The following RHOQ variants were observed in gnomAD, a reference collection of about 807,000 sequenced individuals.
RHOQ encodes the protein rho-related GTP-binding protein RhoQ.
Under a neutral mutation model 25.8 loss-of-function variants are expected in RHOQ, and 7 were observed. The observed-to-expected ratio is 0.27, with a 90% CI of 0.15 to 0.51. The LOEUF is 0.51. Ranked by LOEUF, RHOQ falls within the 20% of genes least tolerant of loss-of-function variation. RHOQ has a pLI of 0.97. For synonymous variants in RHOQ, 97 were observed against 98.6 expected (o/e 0.98, Z 0.10); for missense variants, 165 against 260.6 (o/e 0.63, Z 2.53).
rs114545004 is a variant in RHOQ, at chr2:46,554,243, A to G, written c.201+10431A>G. The stretch of plus-strand genomic sequence containing the variant: ...ATCCGTAATTACTGGAATGAATTGA[A>G]TGATTCAGCCATGGGTGCTCCCTAT... On this transcript the variant is annotated intron_variant, in intron 2 of 4. Coordinates refer to ENST00000238738, the MANE Select transcript of RHOQ (RefSeq NM_012249.4). Among the ~76,000 whole-genome samples, 1,484 of 152,124 alleles carry G rather than the reference A, an allele frequency of 9.8e-3. 28 individuals carry two copies. Among genetic ancestry groups the G allele is most frequent in the African/African-American group, 0.034 (1,416 of 41,500 alleles).
chr2:46,543,005 G>A lies in RHOQ; in HGVS notation c.-42G>A. 7 of 1,446,930 alleles carry A rather than the reference G, an allele frequency of 4.8e-6. No homozygotes were observed. Among genetic ancestry groups the A allele is most frequent in the Non-Finnish European group, 6.4e-6 (7 of 1,096,540 alleles). The allele number at this position is 1,446,930 out of a possible 1,614,324, so 89.6% of individuals were successfully genotyped here. ...GGGGCTGAGCCCGGGGCCGGGGCGG[G>A]GGCTCCGGGGGGACCATGCCCGGAG... On this transcript the variant is annotated 5_prime_UTR_variant, in exon 1 of 5. Transcript: ENST00000238738.
intron 4 of RHOQ, 99 bp from the exon 5 acceptor site, chr2:46,580,829 T>G: frequency 4.8e-6 from 4 of 833,520 alleles, no homozygotes; most frequent in Non-Finnish European, 7.0e-6. Context: ...TCTTTTTGCA[T>G]AGCTGTATTT....
intron 2 of RHOQ, among the ~76,000 whole-genome samples, chr2:46,575,399 T>TCA (rs56002979): frequency 0.18 from 24,911 of 137,988 alleles, 2,206 homozygotes; most frequent in East Asian, 0.34. Context: ...CTTTAAATCT[T>TCA]CACACACACA....
At chr2:46,558,438 T>C (rs888001688) in intron 2 of RHOQ, among the ~76,000 whole-genome samples, 20 of 152,220 alleles carry the variant, frequency 1.3e-4, no homozygotes, top group African/African-American at 4.8e-4. Context: ...ATAGATTATA[T>C]TTTTTCTCCC....
At position 46,581,651 on chromosome 2, in the gene RHOQ, A is replaced by C. The variant is rs1669381021; in HGVS notation, c.*568A>C. On this transcript the variant is annotated 3_prime_UTR_variant, in exon 5 of 5. Coordinates refer to ENST00000238738, the MANE Select transcript of RHOQ (RefSeq NM_012249.4). Reference sequence around the variant, plus strand: ...AATGTTTTATTATTACTTGAGCACAAGTGTAACCTAAATATTTCTATATTA... The same window carrying C: ...AATGTTTTATTATTACTTGAGCACACGTGTAACCTAAATATTTCTATATTA... The C allele has an allele frequency of 6.4e-7, 1 of 1,560,108 alleles. No individual in the cohort carries two copies. The highest frequency in any genetic ancestry group is 8.7e-7 in the Non-Finnish European group (1 of 1,151,678).
In RHOQ at chr2:46,543,788, A is replaced by C; in HGVS notation, c.177A>C (p.Leu59=). The C allele has an allele frequency of 1.2e-6, 2 of 1,613,660 alleles. No homozygotes were observed. The highest frequency in any genetic ancestry group is 8.5e-7 in the Non-Finnish European group (1 of 1,179,840). The change falls in exon 2 of 5, where the codon CTA becomes CTC. Residue 59 remains leucine, a synonymous_variant. Transcript: ENST00000238738. ...CCGTGGGGGGCAAGCAGTACCTCCT[A>C]GGACTCTATGACACGGCCGGACAGG... ...SVTVGGKQYL[L]GLYDTAGQED...
At chr2:46,561,801 A>G (rs769411330) in intron 2 of RHOQ, among the ~76,000 whole-genome samples, 2 of 151,964 alleles carry the variant, frequency 1.3e-5, no homozygotes, top group Non-Finnish European at 2.9e-5. Context: ...CATACTGTCT[A>G]CCCCTCCCTC....
chr2:46,565,990 A>T (rs1303376904), intron 2 of RHOQ, among the ~76,000 whole-genome samples: 1 of 152,216 alleles, frequency 6.6e-6, no homozygotes, highest in Non-Finnish European at 1.5e-5. Flanking sequence ...TCCAGACTCA[A>T]GCCTGGAAGA....
intron 2 of RHOQ, among the ~76,000 whole-genome samples, chr2:46,549,362 G>T (rs1051226982): frequency 1.3e-5 from 2 of 152,142 alleles, no homozygotes; most frequent in African/African-American, 4.8e-5. Context: ...TGGAGAATTG[G>T]GCTTTTGCGG....
intron 2 of RHOQ, among the ~76,000 whole-genome samples, chr2:46,563,045 C>T (rs1437962495): frequency 6.6e-6 from 1 of 152,130 alleles, no homozygotes; most frequent in African/African-American, 2.4e-5. Flanking sequence ...AGAGGAGGCT[C>T]CATTAGTAGT....
intron 2 of RHOQ, among the ~76,000 whole-genome samples, chr2:46,571,087 G>A (rs954892886): frequency 1.3e-5 from 2 of 152,164 alleles, no homozygotes; most frequent in Non-Finnish European, 2.9e-5. Context: ...TGTTGGATAC[G>A]TTCAAGTTCT....
rs1371223116 is a variant in RHOQ, at chr2:46,552,221, G to A, written c.201+8409G>A. 6.6e-6 allele frequency among the ~76,000 whole-genome samples: 1 copy of A among 152,174 alleles called. No homozygotes were observed. The highest frequency in any genetic ancestry group is 2.4e-5 in the African/African-American group (1 of 41,428). ...AGACTTCTGCCCCACGTGACGTTAC[G>A]GGTGTTTTGTCACTTTGTCCCTAAA... On this transcript the variant is annotated intron_variant, in intron 2 of 4. Coordinates refer to ENST00000238738, the MANE Select transcript of RHOQ (RefSeq NM_012249.4). The surrounding 1 kb of genome is among the most constrained non-coding windows in gnomAD (Gnocchi z 5.0).
chr2:46,576,481 G>A lies in RHOQ; in HGVS notation c.367-80G>A, dbSNP rs929895535. ...TGTTTAATCTTTTTTTGGTATGTGG[G>A]AATTAAGTGGGATTACATGCTTTGA... On this transcript the variant is annotated intron_variant, in intron 3 of 4. Coordinates refer to ENST00000238738, the MANE Select transcript of RHOQ (RefSeq NM_012249.4). This position sits in a 1 kb window ranked among gnomAD's most constrained non-coding sequence, Gnocchi z 5.1. 6.6e-5 allele frequency: 61 copies of A among 926,898 alleles called. No individual in the cohort carries two copies. Among genetic ancestry groups the A allele is most frequent in the South Asian group, 6.2e-4 (37 of 59,348 alleles). The allele number at this position is 926,898 out of a possible 1,614,324, so 57.4% of individuals were successfully genotyped here.
chr2:46,581,867 T>C lies in RHOQ; in HGVS notation c.*784T>C, dbSNP rs1669393447. On this transcript the variant is annotated 3_prime_UTR_variant, in exon 5 of 5. Coordinates refer to ENST00000238738, the MANE Select transcript of RHOQ (RefSeq NM_012249.4). ...CATGCTAAAATTACAAATTAAAATT[T>C]TGGGTCAGACTTTGCCATAATGATA... 1 of 295,672 alleles carries C rather than the reference T, an allele frequency of 3.4e-6. No individual in the cohort carries two copies. Among genetic ancestry groups the C allele is most frequent in the South Asian group, 4.3e-5 (1 of 23,280 alleles). 18.3% of individuals were successfully genotyped at this position (295,672 alleles called of 1,614,324 possible).
chr2:46,565,075 A>AGGAGAAGGT (rs1668690476), intron 2 of RHOQ, among the ~76,000 whole-genome samples: 1 of 152,186 alleles, frequency 6.6e-6, no homozygotes, highest in Admixed American at 6.5e-5. Flanking sequence ...CAGCTGCAGA[A>AGGAGAAGGT]GGAGAAGGTG....
At chr2:46,543,960 G>A (rs1667949351) in intron 2 of RHOQ, 148 bp downstream of exon 2, 1 of 644,122 alleles carries the variant, frequency 1.6e-6, no homozygotes, top group Admixed American at 2.8e-5. Flanking sequence ...CTTGTAACAA[G>A]TCAGCAAATT....
Position 46,543,871 on chromosome 2 carries a change from C to T in RHOQ, c.201+59C>T, listed in dbSNP as rs376297993. 1,093 of 1,502,074 alleles carry T rather than the reference C, an allele frequency of 7.3e-4. 4 individuals carry two copies. In the African/African-American group the frequency reaches 0.013, roughly 17 times the overall value. 93.0% of individuals were successfully genotyped at this position (1,502,074 alleles called of 1,614,324 possible). ...CCTGTTCCCCAGTTCTTTGTGGCTG[C>T]GAAGGGCCTTTGGAAACCGAGGTGT... On this transcript the variant is annotated intron_variant, in intron 2 of 4. Transcript: ENST00000238738.
chr2:46,573,104 C>T (rs773840494), intron 2 of RHOQ, among the ~76,000 whole-genome samples: 2 of 151,052 alleles, frequency 1.3e-5, no homozygotes, highest in South Asian at 2.1e-4. Flanking sequence ...AGCTCTGTTG[C>T]CCAGGCTGTA....
intron 2 of RHOQ, among the ~76,000 whole-genome samples, chr2:46,575,280 A>C (rs1234005693): frequency 3.9e-5 from 6 of 152,166 alleles, no homozygotes; most frequent in African/African-American, 1.2e-4. Context: ...TTACTGGTAT[A>C]TTCATGCATA....
Sources: gnomAD v4.1 joint callset for allele counts (sites outside exome capture counted in the v4.1 genomes callset) on GRCh38, gnomAD v4.1.1 for gene constraint, Gnocchi (gnomAD v3.1) non-coding constraint, MANE v1.5 for transcripts, NCBI Gene and HGNC (gene_info 2026-07-23, HGNC 2026-07-21) for gene names.